Variants in MAL observed in about 807,000 individuals in gnomAD.
MAL encodes the protein mal, T cell differentiation protein (MAL blood group).
MAL carries 5 observed loss-of-function variants against 16.7 expected under a neutral mutation model. The ratio of observed to expected loss-of-function variants is 0.30; its 90% CI spans 0.16 to 0.63. The LOEUF is 0.63. Ranked by LOEUF, MAL falls within the 30% of genes least tolerant of loss-of-function variation. The pLI, the probability that MAL is intolerant of heterozygous loss-of-function variation, is 0.82. For missense variants in MAL, 202 were observed against 195.8 expected (o/e 1.03, Z -0.19); for synonymous variants, 96 against 85.5 (o/e 1.12, Z -0.67).
intron 1 of MAL, among the ~76,000 whole-genome samples, chr2:95,040,414 T>C (rs1490793514): frequency 1.3e-5 from 2 of 151,920 alleles, no homozygotes; most frequent in African/African-American, 4.8e-5. Flanking sequence ...CACACACACA[T>C]ACACATACAT....
chr2:95,027,699 A>AGATTT (rs1673975903), intron 1 of MAL, among the ~76,000 whole-genome samples: 1 of 151,908 alleles, frequency 6.6e-6, no homozygotes, highest in African/African-American at 2.4e-5. Flanking sequence ...ACCCCGGGAG[A>AGATTT]GTTTTTGTTT....
intron 1 of MAL, among the ~76,000 whole-genome samples, chr2:95,026,185 C>CA (rs1673932094): frequency 6.6e-6 from 1 of 151,854 alleles, no homozygotes; most frequent in Non-Finnish European, 1.5e-5. Flanking sequence ...TCGCTGGTCC[C>CA]AAAGCTGCGC....
Position 95,050,249 on chromosome 2 carries a change from C to T in MAL, c.387+543C>T, listed in dbSNP as rs148395340. Among the ~76,000 whole-genome samples the T allele has an allele frequency of 3.1e-3, 477 of 152,258 alleles. 3 individuals carry two copies. Among genetic ancestry groups the T allele is most frequent in the African/African-American group, 0.011 (455 of 41,526 alleles). ...TGAAGCATCCAGCCAGGGGTGGGGACGCTGAGGCCAGGTGGATTTTCTTCT... is the reference window on the plus strand; with the variant it reads ...TGAAGCATCCAGCCAGGGGTGGGGATGCTGAGGCCAGGTGGATTTTCTTCT... On this transcript the variant is annotated intron_variant, in intron 3 of 3. Transcript: ENST00000309988.
rs1674671148 is a variant in MAL at position 95,049,641 on chromosome 2, C to T, written c.322C>T (p.Leu108=). The stretch of plus-strand genomic sequence containing the variant: ...CCTCAGCGCCTCAGTCCTGGAGGCC[C>T]TGGCCACCATCACGATGCAAGACGG... ...FYLSASVLEA[L]ATITMQDGFT... is the part of the protein sequence containing the mutation. The change falls in exon 3 of 4, where the codon CTG becomes TTG. Residue 108 remains leucine, a synonymous_variant. Coordinates refer to ENST00000309988, the MANE Select transcript of MAL (RefSeq NM_002371.4). 6.2e-7 allele frequency: 1 copy of T among 1,614,248 alleles called. No individual in the cohort carries two copies. The highest frequency in any genetic ancestry group is 8.5e-7 in the Non-Finnish European group (1 of 1,180,040).
At chr2:95,045,563 G>A (rs1016343825) in intron 1 of MAL, among the ~76,000 whole-genome samples, 19 of 152,232 alleles carry the variant, frequency 1.2e-4, no homozygotes, top group Non-Finnish European at 2.4e-4. Context: ...TGTGCTGAGT[G>A]CTACAGAGAA....
At position 95,047,961 on chromosome 2, in the gene MAL, C is replaced by A; in HGVS notation, c.96C>A (p.Ile32=). Reference sequence around the variant, plus strand: ...TCACCCCTCCTCCTCCCCCGCAGATCTTCGGGGGCCTGGTGTGGATCCTGG... The same window carrying A: ...TCACCCCTCCTCCTCCCCCGCAGATATTCGGGGGCCTGGTGTGGATCCTGG... The part of the protein sequence containing the change: ...LPDLLFIFEF[I]FGGLVWILVA... The change falls in exon 2 of 4, where the codon ATC becomes ATA. Residue 32 remains isoleucine, a splice_region_variant and synonymous_variant. Transcript: ENST00000309988. The A allele has an allele frequency of 6.2e-7, 1 of 1,613,304 alleles. No individual in the cohort carries two copies. The highest frequency in any genetic ancestry group is 8.5e-7 in the Non-Finnish European group (1 of 1,179,620).
chr2:95,033,953 TAGC>T (rs1277193989), intron 1 of MAL, among the ~76,000 whole-genome samples: 1 of 152,166 alleles, frequency 6.6e-6, no homozygotes, highest in East Asian at 1.9e-4. Context: ...AATTTGGACA[TAGC>T]AGCACCTGCC....
chr2:95,046,955 AAG>A (rs923675636), intron 1 of MAL, among the ~76,000 whole-genome samples: 8 of 149,798 alleles, frequency 5.3e-5, no homozygotes, highest in Non-Finnish European at 1.0e-4. Flanking sequence ...AAAGAGAAAA[AAG>A]AAAGAAAGAA....
intron 2 of MAL, among the ~76,000 whole-genome samples, chr2:95,048,639 C>T (rs1482521312): frequency 1.3e-5 from 2 of 152,208 alleles, no homozygotes; most frequent in African/African-American, 4.8e-5. Flanking sequence ...ATAAATTCTG[C>T]TTTGAGACCC....
intron 1 of MAL, among the ~76,000 whole-genome samples, chr2:95,028,403 G>A (rs1485019989): frequency 6.6e-6 from 1 of 152,154 alleles, no homozygotes; most frequent in African/African-American, 2.4e-5. Flanking sequence ...ACACCCATTA[G>A]GATGGCTACT....
chr2:95,045,087 T>G (rs1336688393), intron 1 of MAL, among the ~76,000 whole-genome samples: 1 of 152,194 alleles, frequency 6.6e-6, no homozygotes, highest in Non-Finnish European at 1.5e-5. Context: ...AGAAACAATG[T>G]CACTATCCGG....
Position 95,039,436 on chromosome 2 carries a change from C to CTGAG in MAL, c.94-8500_94-8497dup, listed in dbSNP as rs551292618. Among the ~76,000 whole-genome samples, 52 of 92,858 alleles carry CTGAG rather than the reference C, an allele frequency of 5.6e-4. 1 individual carries two copies. The highest frequency in any genetic ancestry group is 2.3e-3 in the South Asian group (6 of 2,588). The allele number at this position is 92,858 out of a possible 152,430, so 60.9% of individuals were successfully genotyped here. A position where few individuals can be genotyped will look rare whatever the true frequency, so the allele number is the denominator to read the frequency against. ...GGTGAGTGAGTGAGTGACTGAGTGA[C>CTGAG]TGAGTGAGTGAGTGAGTGAGTGAGT... is the stretch of plus-strand genomic sequence containing the variant. On this transcript the variant is annotated intron_variant, in intron 1 of 3. Transcript: ENST00000309988.
At chr2:95,053,256 A>G (rs1674757039) in intron 3 of MAL, 125 bp from the exon 4 acceptor site, 2 of 726,472 alleles carry the variant, frequency 2.8e-6, no homozygotes, top group Non-Finnish European at 2.5e-6. Context: ...GAGGGTGAGA[A>G]GCAATGACAG....
chr2:95,048,027 G>C lies in MAL; in HGVS notation c.162G>C (p.Trp54Cys). The C allele has an allele frequency of 6.2e-7, 1 of 1,613,922 alleles. No individual in the cohort carries two copies. The highest frequency in any genetic ancestry group is 8.5e-7 in the Non-Finnish European group (1 of 1,179,922). Residue 54 changes from tryptophan to cysteine, a missense_variant, in exon 2 of 4, where the codon TGG (tryptophan) becomes TGC (cysteine). Coordinates refer to ENST00000309988, the MANE Select transcript of MAL (RefSeq NM_002371.4). ...TGCCCTGGCCCCTGGTCCAGGGCTG[G>C]GTGATGTTCGTGTCTGTGTTCTGCT... ...SLVPWPLVQG[W>C]VMFVSVFCFV...
chr2:95,047,824 A>T, intron 1 of MAL, 135 bp from the exon 2 acceptor site: 1 of 813,026 alleles, frequency 1.2e-6, no homozygotes. Context: ...TGCAGAGGAA[A>T]ATGCCTGCCC....
intron 1 of MAL, among the ~76,000 whole-genome samples, chr2:95,031,684 G>C (rs997499910): frequency 6.6e-6 from 1 of 152,194 alleles, no homozygotes; most frequent in African/African-American, 2.4e-5. Context: ...CCAGGGAGTG[G>C]GGCAGGCCCC....
intron 3 of MAL, among the ~76,000 whole-genome samples, chr2:95,051,042 C>T (rs1674704013): frequency 6.6e-6 from 1 of 152,174 alleles, no homozygotes; most frequent in African/African-American, 2.4e-5. Flanking sequence ...TTGTTGTGAA[C>T]AAAGGTTGCG....
intron 1 of MAL, among the ~76,000 whole-genome samples, chr2:95,039,307 G>GGTGAGTGAGTGAGTGAGTGAGTGA (rs796660834): frequency 3.0e-5 from 2 of 66,568 alleles, no homozygotes; most frequent in South Asian, 5.0e-4. Flanking sequence ...TGACTGAGTG[G>GGTGAGTGAGTGAGTGAGTGAGTGA]GTGAGTGAGT....
In MAL at chr2:95,025,944, C is replaced by G. The variant is rs1280080496; in HGVS notation, c.93+59C>G. 1 of 1,413,058 alleles carries G rather than the reference C, an allele frequency of 7.1e-7. No homozygotes were observed. Among genetic ancestry groups the G allele is most frequent in the Non-Finnish European group, 9.6e-7 (1 of 1,041,266 alleles). The allele number at this position is 1,413,058 out of a possible 1,614,324, so 87.5% of individuals were successfully genotyped here. A position where few individuals can be genotyped will look rare whatever the true frequency, so the allele number is the denominator to read the frequency against. On this transcript the variant is annotated intron_variant, in intron 1 of 3. Coordinates refer to ENST00000309988, the MANE Select transcript of MAL (RefSeq NM_002371.4). The surrounding 1 kb of genome is among the most constrained non-coding windows in gnomAD (Gnocchi z 5.6). ...GGGCTGAGCCGTGCGCTCTCTCGGG[C>G]GCCCAGCACAGCTGTCGGACGGGAT...
Sources: allele counts gnomAD v4.1 joint callset (sites outside exome capture counted in the v4.1 genomes callset), GRCh38; gene constraint gnomAD v4.1.1; non-coding constraint Gnocchi (gnomAD v3.1); transcripts MANE v1.5; gene names NCBI Gene and HGNC (gene_info 2026-07-23, HGNC 2026-07-21).